The following PDZRN3 variants were observed in gnomAD, a reference collection of about 807,000 sequenced individuals.
PDZRN3 encodes E3 ubiquitin-protein ligase PDZRN3.
A neutral mutation model predicts 85.7 loss-of-function variants in PDZRN3; 38 were observed. The ratio of observed to expected loss-of-function variants is 0.44; its 90% confidence interval spans 0.34 to 0.58. The LOEUF (loss-of-function observed/expected upper bound fraction) is 0.58, where lower values mean the gene tolerates loss of function less well. Ranked by LOEUF, PDZRN3 falls within the 20% of genes least tolerant of loss-of-function variation. PDZRN3 has a pLI of 0.01. For missense variants in PDZRN3, 1,629 were observed against 1,506.4 expected (o/e 1.08, Z -1.35); for synonymous variants, 759 against 638.0 (o/e 1.19, Z -2.86).
chr3:73,540,246 T>C (rs1436867011), intron 3 of PDZRN3, among the ~76,000 whole-genome samples: 2 of 152,080 alleles, frequency 1.3e-5, no homozygotes, highest in Non-Finnish European at 2.9e-5. Context: ...TGACCCTAAA[T>C]ATATATAGCT....
chr3:73,473,051 C>A lies in PDZRN3; in HGVS notation c.919-68656G>T, dbSNP rs112643133. On this transcript the variant is annotated intron_variant, in intron 3 of 9. Transcript: ENST00000263666. The stretch of plus-strand genomic sequence containing the variant: ...CAAACTTGGATGTGTACACCTGAGC[C>A]TTATCACTGAAGACAGTCCAAAGAT... Among the ~76,000 whole-genome samples the A allele has an allele frequency of 4.0e-3, 602 of 152,264 alleles. 4 individuals carry two copies. Among genetic ancestry groups the A allele is most frequent in the African/African-American group, 0.013 (557 of 41,548 alleles).
At chr3:73,441,711 A>G (rs1460544938) in intron 3 of PDZRN3, among the ~76,000 whole-genome samples, 4 of 152,220 alleles carry the variant, frequency 2.6e-5, no homozygotes, top group African/African-American at 9.6e-5. Flanking sequence ...AAGACCTTAC[A>G]TCTTCATTAG....
intron 3 of PDZRN3, among the ~76,000 whole-genome samples, chr3:73,459,605 T>G (rs1238021362): frequency 6.6e-6 from 1 of 152,220 alleles, no homozygotes; most frequent in Non-Finnish European, 1.5e-5. Context: ...ATGTGTGGTA[T>G]TTGGTTTTTT....
chr3:73,502,976 C>T (rs138105468), intron 3 of PDZRN3, among the ~76,000 whole-genome samples: 174 of 152,300 alleles, frequency 1.1e-3, no homozygotes, highest in African/African-American at 4.1e-3. Context: ...GGTGTGAAAA[C>T]ACAGTTGTGG....
chr3:73,445,232 T>G (rs1316984417), intron 3 of PDZRN3, among the ~76,000 whole-genome samples: 1 of 152,176 alleles, frequency 6.6e-6, no homozygotes, highest in Non-Finnish European at 1.5e-5. Flanking sequence ...TTGGCCAGAC[T>G]CTAGGATTCA....
At chr3:73,533,973 G>A (rs572243911) in intron 3 of PDZRN3, among the ~76,000 whole-genome samples, 2 of 151,358 alleles carry the variant, frequency 1.3e-5, no homozygotes, top group East Asian at 1.9e-4. Context: ...TAGTACCACC[G>A]GATGTCTTAT....
At chr3:73,447,221 C>G (rs1702768065) in intron 3 of PDZRN3, among the ~76,000 whole-genome samples, 1 of 151,960 alleles carries the variant, frequency 6.6e-6, no homozygotes, top group Non-Finnish European at 1.5e-5. Flanking sequence ...AAACCTTGCT[C>G]TGCCCTCCCT....
rs1703331469 is a variant in PDZRN3 at position 73,383,965 on chromosome 3, T to C, written c.2601A>G (p.Pro867=). Residue 867 remains proline (P), a synonymous_variant, in exon 10 of 10, where the codon CCA becomes CCG. Transcript: ENST00000263666. ...SAYLPSYHHS[P]YKHAHIPAHA... is the part of the protein sequence containing the mutation. Reference sequence around the variant, plus strand: ...GCGCCGGGATGTGCGCGTGCTTGTATGGGGAGTGGTGATAGGAGGGCAGGT... The same window carrying C: ...GCGCCGGGATGTGCGCGTGCTTGTACGGGGAGTGGTGATAGGAGGGCAGGT... The C allele has an allele frequency of 1.9e-6, 3 of 1,597,146 alleles. No individual in the cohort carries two copies. Among genetic ancestry groups the C allele is most frequent in the Non-Finnish European group, 2.6e-6 (3 of 1,172,752 alleles).
At chr3:73,462,213 C>T in intron 3 of PDZRN3, among the ~76,000 whole-genome samples, 1 of 152,088 alleles carries the variant, frequency 6.6e-6, no homozygotes, top group Non-Finnish European at 1.5e-5. Context: ...CAGCTCAGAA[C>T]AATCTGAATG....
rs141385664 is a variant in PDZRN3 at position 73,400,995 on chromosome 3, T to C, written c.1181A>G (p.His394Arg). 2,235 of 1,612,612 alleles carry C rather than the reference T, an allele frequency of 1.4e-3. No individual in the cohort carries two copies. Among genetic ancestry groups the C allele is most frequent in the Admixed American group, 2.3e-3 (137 of 60,024 alleles). The change falls in exon 5 of 10, where the codon CAT (histidine) becomes CGT (arginine). Residue 394 changes from histidine (H) to arginine (R), a missense_variant. Transcript: ENST00000263666. The stretch of plus-strand genomic sequence containing the variant: ...GTAGTCATTTGGATCGTAGTATTCA[T>C]GGGCTGAGGGATGCCTGAAAAGAGA... ...YLLPEEHPSA[H>R]EYYDPNDYIG...
In PDZRN3 at chr3:73,383,370, C is replaced by T. The variant is rs1455905417; in HGVS notation, c.3196G>A (p.Val1066Ile). ...ACATAATGCAGAAGTGAAAATTATA[C>T]AGTAGTCACCGATAGGAAGGAATTG... is the stretch of plus-strand genomic sequence containing the variant. ...VYNSFLSVTT[V>I] The change falls in exon 10 of 10, where the codon GTA (valine) becomes ATA (isoleucine). Residue 1066 changes from valine to isoleucine, a missense_variant. Coordinates refer to ENST00000263666, the MANE Select transcript of PDZRN3 (RefSeq NM_015009.3). The T allele has an allele frequency of 1.2e-6, 2 of 1,603,020 alleles. No individual in the cohort carries two copies. Among genetic ancestry groups the T allele is most frequent in the South Asian group, 1.1e-5 (1 of 88,474 alleles).
At chr3:73,598,306 A>G (rs1334813630) in intron 3 of PDZRN3, among the ~76,000 whole-genome samples, 1 of 152,242 alleles carries the variant, frequency 6.6e-6, no homozygotes, top group South Asian at 2.1e-4. Flanking sequence ...CAGTAGGTTC[A>G]GAGGCAGAAA....
At chr3:73,496,589 T>C (rs1236723806) in intron 3 of PDZRN3, among the ~76,000 whole-genome samples, 2 of 151,110 alleles carry the variant, frequency 1.3e-5, no homozygotes, top group South Asian at 2.1e-4. Flanking sequence ...AACAAAATTA[T>C]AACTACAATG....
chr3:73,518,143 G>A (rs754693202), intron 3 of PDZRN3, among the ~76,000 whole-genome samples: 43 of 152,268 alleles, frequency 2.8e-4, no homozygotes, highest in Non-Finnish European at 5.7e-4. Context: ...TAAACAAAAT[G>A]TGATATACAA....
In PDZRN3 at chr3:73,416,876, GTTTTTTTTTTTTTTTTTTT is replaced by G. The variant is rs146381615; in HGVS notation, c.919-12500_919-12482del. Among the ~76,000 whole-genome samples the G allele has an allele frequency of 1.9e-4, 21 of 110,404 alleles. No homozygotes were observed. The East Asian group carries it at 4.5e-3, about 24-fold the overall frequency. 72.4% of individuals were successfully genotyped at this position (110,404 alleles called of 152,430 possible). A position where few individuals can be genotyped will look rare whatever the true frequency, so the allele number is the denominator to read the frequency against. ...TTTTTTTTTTGTTTGTTTTTTTTTG[GTTTTTTTTTTTTTTTTTTT>G]TTTTTTTTTTTTTTGAGACAGAGTC... On this transcript the variant is annotated intron_variant, in intron 3 of 9. Transcript: ENST00000263666.
intron 3 of PDZRN3, among the ~76,000 whole-genome samples, chr3:73,437,045 C>CA (rs57755670): frequency 0.016 from 1,140 of 72,268 alleles, 8 homozygotes; most frequent in South Asian, 0.03. Context: ...GACTCTGTCT[C>CA]AAAAAAAAAA....
At position 73,602,300 on chromosome 3, in the gene PDZRN3, C is replaced by A. The variant is rs1046829225; in HGVS notation, c.918+54G>T. On this transcript the variant is annotated intron_variant, in intron 3 of 9. Transcript: ENST00000263666. ...GTCAAACATCTTGCTTTGAGCTAGA[C>A]GAAGATGGGATGGCATTCAGCCTAT... 48 of 970,114 alleles carry A rather than the reference C, an allele frequency of 4.9e-5. 1 individual carries two copies. The African/African-American group carries it at 6.6e-4, about 13-fold the overall frequency. The allele number at this position is 970,114 out of a possible 1,614,324, so 60.1% of individuals were successfully genotyped here.
chr3:73,485,041 C>T (rs187172963), intron 3 of PDZRN3, among the ~76,000 whole-genome samples: 2 of 152,146 alleles, frequency 1.3e-5, no homozygotes, highest in African/African-American at 2.4e-5. Flanking sequence ...CCCAAGTAAG[C>T]GACAAAAACA....
At chr3:73,555,758 T>G (rs1243837964) in intron 3 of PDZRN3, among the ~76,000 whole-genome samples, 2 of 152,188 alleles carry the variant, frequency 1.3e-5, no homozygotes, top group East Asian at 3.9e-4. Flanking sequence ...GAAAGGAAAG[T>G]CAATGGTAAC....
Sources: gnomAD v4.1 joint callset for allele counts (sites outside exome capture counted in the v4.1 genomes callset) on GRCh38, gnomAD v4.1.1 for gene constraint, MANE v1.5 for transcripts, NCBI Gene and HGNC (gene_info 2026-07-23, HGNC 2026-07-21) for gene names.